Variants in EFCAB10 observed in about 807,000 individuals in gnomAD.
The protein encoded by EFCAB10 is EF-hand calcium binding domain 10.
Under a neutral mutation model 7.7 loss-of-function variants are expected in EFCAB10, and 7 were observed. That is an observed-to-expected ratio of 0.91 (90% confidence interval 0.52 to 1.72). The LOEUF is 1.72. Ranked by LOEUF, EFCAB10 falls within the 40% of genes most tolerant of loss-of-function variation. The pLI is 0.00. For missense variants in EFCAB10, 112 were observed against 61.5 expected (o/e 1.82, Z -2.74); for synonymous variants, 52 against 21.0 (o/e 2.47, Z -4.03).
In EFCAB10 at chr7:105,567,268, T is replaced by C. The variant is rs1337308511; in HGVS notation, c.383+199A>G. On this transcript the variant is annotated intron_variant, in intron 4 of 4. Transcript: ENST00000480514. ...AAACTGGCTCAACAAGATGTTGAGA[T>C]TCTACTTAATTTGAGGACAAATTGG... The C allele has an allele frequency of 2.5e-6, 4 of 1,609,392 alleles. No individual in the cohort carries two copies. The East Asian group carries it at 8.9e-5, about 36-fold the overall frequency.
At chr7:105,579,153 C>G (rs146246575) in intron 1 of EFCAB10, among the ~76,000 whole-genome samples, 2 of 152,330 alleles carry the variant, frequency 1.3e-5, no homozygotes, top group Non-Finnish European at 2.9e-5. Flanking sequence ...AAAGCACGCT[C>G]TCTCAGGAAG....
At chr7:105,566,723 A>ATGTT (rs1791765612) in intron 4 of EFCAB10, 1 of 152,644 alleles carries the variant, frequency 6.6e-6, no homozygotes, top group African/African-American at 2.4e-5. Flanking sequence ...ATGAAAGCTT[A>ATGTT]TGTTTACACG....
chr7:105,565,147 A>T lies in EFCAB10; in HGVS notation c.*300T>A. On this transcript the variant is annotated 3_prime_UTR_variant, in exon 5 of 5. Coordinates refer to ENST00000480514, the MANE Select transcript of EFCAB10 (RefSeq NM_001355526.2). ...CATTTATTTTCTGATAGAGCTTTTAATGTTAGGCTGTATATTTTTTCTTAT... is the reference window on the plus strand; with the variant it reads ...CATTTATTTTCTGATAGAGCTTTTATTGTTAGGCTGTATATTTTTTCTTAT... 2 of 637,888 alleles carry T rather than the reference A, an allele frequency of 3.1e-6. No homozygotes were observed. The highest frequency in any genetic ancestry group is 4.0e-4 in the Middle Eastern group (1 of 2,482). 39.5% of individuals were successfully genotyped at this position (637,888 alleles called of 1,614,324 possible). A position where few individuals can be genotyped will look rare whatever the true frequency, so the allele number is the denominator to read the frequency against.
rs1160406011 is a variant in EFCAB10 at position 105,565,297 on chromosome 7, A to C, written c.*150T>G. 4.4e-6 allele frequency: 7 copies of C among 1,603,222 alleles called. No homozygotes were observed. Among genetic ancestry groups the C allele is most frequent in the Non-Finnish European group, 6.0e-6 (7 of 1,172,566 alleles). On this transcript the variant is annotated 3_prime_UTR_variant, in exon 5 of 5. Transcript: ENST00000480514. ...TCCAGATGGTTGTCCTTGCCATCTCAGTCAGAGCAGGCAGTGATGTCCCTG... is the reference window on the plus strand; with the variant it reads ...TCCAGATGGTTGTCCTTGCCATCTCCGTCAGAGCAGGCAGTGATGTCCCTG...
In EFCAB10 at chr7:105,565,257, T is replaced by TA. The variant is rs1791654003; in HGVS notation, c.*189dup. The TA allele has an allele frequency of 1.3e-6, 2 of 1,557,430 alleles. No homozygotes were observed. Among genetic ancestry groups the TA allele is most frequent in the South Asian group, 2.4e-5 (2 of 83,930 alleles). ...ATAGAAACTGATGAAAATTTTTTGG[T>TA]AAAAATGTGTTTTTTCCAGATGGTT... On this transcript the variant is annotated 3_prime_UTR_variant, in exon 5 of 5. Transcript: ENST00000480514.
chr7:105,576,698 C>T (rs1792089531), intron 1 of EFCAB10, among the ~76,000 whole-genome samples: 1 of 152,134 alleles, frequency 6.6e-6, no homozygotes, highest in African/African-American at 2.4e-5. Context: ...CCTGCCTTGG[C>T]CTCCCAAAGT....
At chr7:105,566,115 C>CA (rs5886358) in intron 4 of EFCAB10, among the ~76,000 whole-genome samples, 52 of 147,844 alleles carry the variant, frequency 3.5e-4, no homozygotes, top group African/African-American at 8.4e-4. Flanking sequence ...CTAAAAATAC[C>CA]AAAAAAAAAA....
intron 4 of EFCAB10, among the ~76,000 whole-genome samples, chr7:105,566,008 G>T (rs1301083831): frequency 6.6e-6 from 1 of 152,108 alleles, no homozygotes; most frequent in South Asian, 2.1e-4. Flanking sequence ...GGTGGCTCAC[G>T]CCTGTAATCC....
rs1791671509 is a variant in EFCAB10, at chr7:105,565,428, G to GAGAA, written c.*15_*18dup. 2 of 1,614,056 alleles carry GAGAA rather than the reference G, an allele frequency of 1.2e-6. No individual in the cohort carries two copies. The highest frequency in any genetic ancestry group is 2.2e-5 in the South Asian group (2 of 91,088). On this transcript the variant is annotated 3_prime_UTR_variant, in exon 5 of 5. Coordinates refer to ENST00000480514, the MANE Select transcript of EFCAB10 (RefSeq NM_001355526.2). ...TAAAATTTTCTGGCAAATGCTTGTA[G>GAGAA]AGAAGCTGGATGTATACATCTACCA...
chr7:105,569,159 CA>C (rs1473669040), intron 3 of EFCAB10, 43 bp downstream of exon 3: 2 of 697,604 alleles, frequency 2.9e-6, no homozygotes, highest in East Asian at 5.4e-5. Flanking sequence ...GCTTCAAAAT[CA>C]TGCCACCTTA....
At chr7:105,577,197 T>TC (rs1562869314) in intron 1 of EFCAB10, among the ~76,000 whole-genome samples, 1 of 152,170 alleles carries the variant, frequency 6.6e-6, no homozygotes, top group Non-Finnish European at 1.5e-5. Context: ...TAGGTTCTTT[T>TC]CCCCCCATAA....
In EFCAB10 at chr7:105,569,488, C is replaced by T. The variant is rs768384861; in HGVS notation, c.190G>A (p.Asp64Asn). Residue 64 changes from aspartate (D) to asparagine (N), a missense_variant, in exon 2 of 5, where the codon GAT becomes AAT. Physicochemically the swap from Asp to Asn is conservative, Grantham distance 23. Transcript: ENST00000480514. The stretch of plus-strand genomic sequence containing the variant: ...AACATAGCCACAATGTTAGAGTTAT[C>T]CATAAAGAAAGGAAACGCCACGCCT... ...VTGVAFPFFMDNSNIVAMFEM... is the reference protein window; with the variant it reads ...VTGVAFPFFMNNSNIVAMFEM... 1.0e-5 allele frequency: 7 copies of T among 702,880 alleles called. No homozygotes were observed. The highest frequency in any genetic ancestry group is 1.8e-5 in the Non-Finnish European group (7 of 385,018). 43.5% of individuals were successfully genotyped at this position (702,880 alleles called of 1,614,324 possible).
In EFCAB10 at chr7:105,567,276, A is replaced by G; in HGVS notation, c.383+191T>C. 6.2e-7 allele frequency: 1 copy of G among 1,608,668 alleles called. No individual in the cohort carries two copies. On this transcript the variant is annotated intron_variant, in intron 4 of 4. Transcript: ENST00000480514. The stretch of plus-strand genomic sequence containing the variant: ...TCAACAAGATGTTGAGATTCTACTT[A>G]ATTTGAGGACAAATTGGCCTAATAC...
At chr7:105,575,323 T>A (rs377337013) in intron 1 of EFCAB10, among the ~76,000 whole-genome samples, 46 of 152,022 alleles carry the variant, frequency 3.0e-4, no homozygotes, top group African/African-American at 8.2e-4. Flanking sequence ...ATATATATAT[T>A]TTTTAGATGA....
At chr7:105,577,686 T>C (rs2115572688) in intron 1 of EFCAB10, among the ~76,000 whole-genome samples, 1 of 152,150 alleles carries the variant, frequency 6.6e-6, no homozygotes, top group East Asian at 1.9e-4. Context: ...AGTTGACCCA[T>C]TGGCTGCCAT....
intron 1 of EFCAB10, among the ~76,000 whole-genome samples, chr7:105,577,571 C>CTGTT (rs58032414): frequency 0.26 from 39,677 of 151,844 alleles, 5,257 homozygotes; most frequent in South Asian, 0.31. Flanking sequence ...ATGGAGGCCT[C>CTGTT]TGTGTGTATT....
chr7:105,579,076 A>C (rs537219103), intron 1 of EFCAB10, among the ~76,000 whole-genome samples: 1 of 152,302 alleles, frequency 6.6e-6, no homozygotes, highest in East Asian at 1.9e-4. Flanking sequence ...CCTCCACTCT[A>C]TTAAAAAGTT....
chr7:105,580,942 G>A (rs1234585430), intron 1 of EFCAB10, among the ~76,000 whole-genome samples: 1 of 152,124 alleles, frequency 6.6e-6, no homozygotes, highest in South Asian at 2.1e-4. Flanking sequence ...AACTTTGGCC[G>A]TGCGCGGTGG....
chr7:105,566,965 C>T (rs1791784254), intron 4 of EFCAB10: 2 of 440,070 alleles, frequency 4.5e-6, no homozygotes, highest in Non-Finnish European at 7.8e-6. Flanking sequence ...GTAGTCTTAC[C>T]ATGTTAAAAG....
Sources: gnomAD v4.1 joint callset for allele counts (sites outside exome capture counted in the v4.1 genomes callset) on GRCh38, gnomAD v4.1.1 for gene constraint, MANE v1.5 for transcripts, NCBI Gene and HGNC (gene_info 2026-07-23, HGNC 2026-07-21) for gene names.